AHR: variants seen among roughly 807,000 people sequenced by gnomAD.
AHR encodes the protein aryl hydrocarbon receptor.
In AHR, 40 loss-of-function variants were observed where a neutral mutation model predicts 86.8. The ratio of observed to expected loss-of-function variants is 0.46; its 90% CI spans 0.36 to 0.60. The LOEUF (loss-of-function observed/expected upper bound fraction) is 0.60. Ranked by LOEUF, AHR falls within the 20% of genes least tolerant of loss-of-function variation. The pLI is 0.00. For missense variants in AHR, 1,001 were observed against 1,011.6 expected (o/e 0.99, Z 0.14); for synonymous variants, 398 against 354.9 (o/e 1.12, Z -1.37).
chr7:17,341,435 TGC>T (rs1782422630), intron 10 of AHR, among the ~76,000 whole-genome samples: 1 of 152,184 alleles, frequency 6.6e-6, no homozygotes, highest in Non-Finnish European at 1.5e-5. Context: ...AATAAGGAGT[TGC>T]ATGAGTACCA....
intron 10 of AHR, among the ~76,000 whole-genome samples, chr7:17,341,332 T>A (rs1462884426): frequency 1.3e-5 from 2 of 152,188 alleles, no homozygotes; most frequent in Non-Finnish European, 2.9e-5. Flanking sequence ...TAATATTCAG[T>A]TATAGTCCGT....
rs1782448051 is a variant in AHR at position 17,343,475 on chromosome 7, CAA to C, written c.*413_*414del. 1 of 166,890 alleles carries C rather than the reference CAA, an allele frequency of 6.0e-6. No individual in the cohort carries two copies. Among genetic ancestry groups the C allele is most frequent in the Non-Finnish European group, 1.3e-5 (1 of 78,164 alleles). 10.3% of individuals were successfully genotyped at this position (166,890 alleles called of 1,614,324 possible). A position where few individuals can be genotyped will look rare whatever the true frequency, so the allele number is the denominator to read the frequency against. Reference sequence around the variant, plus strand: ...TGGATTCTTATTAGTTCCCCAAATACAAAGTTAGAGAACTAAACTAGTTTTTC... The same window carrying C: ...TGGATTCTTATTAGTTCCCCAAATACAGTTAGAGAACTAAACTAGTTTTTC... On this transcript the variant is annotated 3_prime_UTR_variant, in exon 11 of 11. Coordinates refer to ENST00000242057, the MANE Select transcript of AHR (RefSeq NM_001621.5).
chr7:17,332,817 A>C (rs1167754398), intron 6 of AHR, among the ~76,000 whole-genome samples: 1 of 151,976 alleles, frequency 6.6e-6, no homozygotes, highest in African/African-American at 2.4e-5. Context: ...AGTGTTTATA[A>C]ACTCTATAGT....
At chr7:17,315,927 C>T (rs1005680136) in intron 2 of AHR, among the ~76,000 whole-genome samples, 2 of 151,798 alleles carry the variant, frequency 1.3e-5, no homozygotes, top group African/African-American at 2.4e-5. Context: ...GTCATTTTAT[C>T]GTCAGAATAA....
At chr7:17,315,580 C>T (rs1311858439) in intron 2 of AHR, among the ~76,000 whole-genome samples, 1 of 151,718 alleles carries the variant, frequency 6.6e-6, no homozygotes, top group South Asian at 2.1e-4. Flanking sequence ...GGGAGACTAC[C>T]GTGGGCTAAC....
intron 3 of AHR, 145 bp downstream of exon 3, chr7:17,322,752 G>A (rs1296938417): frequency 1.6e-5 from 10 of 612,662 alleles, no homozygotes; most frequent in African/African-American, 5.6e-5. Flanking sequence ...AGTGAATGAT[G>A]CTTAATACAT....
At chr7:17,332,209 A>G (rs556943626) in intron 6 of AHR, among the ~76,000 whole-genome samples, 1 of 152,158 alleles carries the variant, frequency 6.6e-6, no homozygotes, top group East Asian at 1.9e-4. Flanking sequence ...ATACAATTAT[A>G]TATGATACAT....
chr7:17,317,806 T>C (rs1478041948), intron 2 of AHR, among the ~76,000 whole-genome samples: 1 of 152,178 alleles, frequency 6.6e-6, no homozygotes, highest in East Asian at 1.9e-4. Flanking sequence ...TACATTATGT[T>C]ACTTAAAATG....
At position 17,299,254 on chromosome 7, in the gene AHR, G is replaced by C. The variant is rs767524826; in HGVS notation, c.-11G>C. 6.2e-7 allele frequency: 1 copy of C among 1,610,314 alleles called. No individual in the cohort carries two copies. Among genetic ancestry groups the C allele is most frequent in the Admixed American group, 1.7e-5 (1 of 59,908 alleles). ...TGCCCGGGGAGTAGCCGCCGCCGTC[G>C]GCTGGGCACCATGAACAGCAGCAGC... is the stretch of plus-strand genomic sequence containing the variant. On this transcript the variant is annotated 5_prime_UTR_variant, in exon 1 of 11. Transcript: ENST00000242057.
intron 3 of AHR, among the ~76,000 whole-genome samples, chr7:17,326,906 G>C (rs2115362043): frequency 6.6e-6 from 1 of 152,166 alleles, no homozygotes; most frequent in East Asian, 1.9e-4. Context: ...AAAATAGTGA[G>C]GGCTTGTAGA....
intron 2 of AHR, among the ~76,000 whole-genome samples, chr7:17,315,854 A>G (rs1478215645): frequency 6.6e-6 from 1 of 152,106 alleles, no homozygotes; most frequent in Non-Finnish European, 1.5e-5. Context: ...TTTTCAATCA[A>G]TGAATTTTAA....
chr7:17,300,783 A>T (rs1275943037), intron 1 of AHR, among the ~76,000 whole-genome samples: 1 of 152,158 alleles, frequency 6.6e-6, no homozygotes, highest in Non-Finnish European at 1.5e-5. Flanking sequence ...TGTCTGTTCT[A>T]TGTGTTTATT....
chr7:17,332,189 A>C (rs972156501), intron 6 of AHR, among the ~76,000 whole-genome samples: 6 of 152,042 alleles, frequency 3.9e-5, no homozygotes, highest in African/African-American at 1.4e-4. Context: ...TCATATAAAA[A>C]GTATAGCACA....
chr7:17,317,133 T>TTTG (rs55737827), intron 2 of AHR, among the ~76,000 whole-genome samples: 8 of 150,224 alleles, frequency 5.3e-5, no homozygotes, highest in Non-Finnish European at 1.2e-4. Flanking sequence ...TTTTTTTTTT[T>TTTG]GAATATGCAT....
At chr7:17,330,910 C>G (rs766994735) in intron 6 of AHR, 24 bp downstream of exon 6, 1 of 1,603,876 alleles carries the variant, frequency 6.2e-7, no homozygotes, top group Admixed American at 1.7e-5. Context: ...TTTTATGATA[C>G]TGGCTTTTAC....
At chr7:17,320,227 C>T (rs1158264488) in intron 2 of AHR, among the ~76,000 whole-genome samples, 1 of 151,820 alleles carries the variant, frequency 6.6e-6, no homozygotes, top group Non-Finnish European at 1.5e-5. Flanking sequence ...TAGTTATTTC[C>T]ATAGCTTATA....
At chr7:17,338,402 C>G (rs981796194) in intron 9 of AHR, among the ~76,000 whole-genome samples, 1 of 152,060 alleles carries the variant, frequency 6.6e-6, no homozygotes, top group Non-Finnish European at 1.5e-5. Context: ...GTCACCTATG[C>G]TGGAATGCAG....
At chr7:17,333,343 T>C (rs1782320348) in intron 6 of AHR, among the ~76,000 whole-genome samples, 1 of 151,984 alleles carries the variant, frequency 6.6e-6, no homozygotes, top group Non-Finnish European at 1.5e-5. Context: ...AAATATATCA[T>C]GTTCATGTTT....
chr7:17,311,964 A>G (rs757289172), intron 2 of AHR, among the ~76,000 whole-genome samples: 1 of 152,218 alleles, frequency 6.6e-6, no homozygotes, highest in Admixed American at 6.5e-5. Flanking sequence ...GTATCCAGAC[A>G]GGCAGCATCA....
Sources: allele counts gnomAD v4.1 joint callset (sites outside exome capture counted in the v4.1 genomes callset), GRCh38; gene constraint gnomAD v4.1.1; transcripts MANE v1.5; gene names NCBI Gene and HGNC (gene_info 2026-07-23, HGNC 2026-07-21).